Variants in TMEM71 observed in about 807,000 individuals in gnomAD.
TMEM71 encodes the protein transmembrane protein 71.
TMEM71 carries 44 observed loss-of-function variants against 38.0 expected under a neutral mutation model. That is an observed-to-expected ratio of 1.16 (90% CI 0.91 to 1.49). The LOEUF (loss-of-function observed/expected upper bound fraction) is 1.49. Ranked by LOEUF, TMEM71 falls within the 40% of genes most tolerant of loss-of-function variation. TMEM71 has a pLI of 0.00. For synonymous variants in TMEM71, 133 were observed against 122.5 expected, an observed-to-expected ratio of 1.09 and a Z score of -0.56; for missense variants, 367 against 348.6, an observed-to-expected ratio of 1.05 and a Z score of -0.42.
At chr8:132,731,899 A>C (rs1827477992) in intron 5 of TMEM71, among the ~76,000 whole-genome samples, 1 of 152,214 alleles carries the variant, frequency 6.6e-6, no homozygotes. Context: ...ATACGAAACC[A>C]GCTGGGAGGA....
chr8:132,754,368 C>G (rs1306074650), intron 3 of TMEM71, among the ~76,000 whole-genome samples: 4 of 152,170 alleles, frequency 2.6e-5, no homozygotes, highest in Non-Finnish European at 5.9e-5. Flanking sequence ...TACCTTTCCT[C>G]TCTTAGACTT....
the TMEM71 span, among the ~76,000 whole-genome samples, chr8:132,771,806 T>G: frequency 6.6e-6 from 1 of 152,122 alleles, no homozygotes; most frequent in Non-Finnish European, 1.5e-5. Context: ...CTGGGAGAGA[T>G]GACATCTCTG....
chr8:132,712,193 T>C (rs896740413), intron 9 of TMEM71, among the ~76,000 whole-genome samples: 16 of 152,250 alleles, frequency 1.1e-4, no homozygotes, highest in African/African-American at 3.9e-4. Flanking sequence ...AATGTGTGTG[T>C]ATATGAGGCT....
chr8:132,718,144 A>G (rs1403860596), intron 7 of TMEM71, among the ~76,000 whole-genome samples: 5 of 152,172 alleles, frequency 3.3e-5, no homozygotes, highest in African/African-American at 7.2e-5. Flanking sequence ...CAGTGATGCA[A>G]TTGTTATAGA....
At chr8:132,762,306 CTCT>C (rs1038314059), upstream of TMEM71, among the ~76,000 whole-genome samples, 4 of 152,106 alleles carry the variant, frequency 2.6e-5, no homozygotes, top group African/African-American at 7.2e-5. Context: ...ATTCACAGTT[CTCT>C]TCTTCTCCTT....
At chr8:132,774,174 A>G in the TMEM71 span, among the ~76,000 whole-genome samples, 3,091 of 152,362 alleles carry the variant, frequency 0.02, 105 homozygotes, top group African/African-American at 0.072. Context: ...GGTGGAAAGT[A>G]TAATCCTGTC....
At chr8:132,749,675 T>C (rs1828584871) in intron 4 of TMEM71, among the ~76,000 whole-genome samples, 1 of 152,122 alleles carries the variant, frequency 6.6e-6, no homozygotes, top group African/African-American at 2.4e-5. Flanking sequence ...TCAAGGTGGG[T>C]CACCAGTTAA....
chr8:132,713,887 C>T (rs1446954075), intron 9 of TMEM71, 108 bp downstream of exon 9: 2 of 1,051,242 alleles, frequency 1.9e-6, no homozygotes, highest in African/African-American at 1.6e-5. Context: ...GACGAATGAT[C>T]AGGATGTTTC....
At chr8:132,724,532 T>C (rs1235578208) in intron 6 of TMEM71, among the ~76,000 whole-genome samples, 1 of 152,216 alleles carries the variant, frequency 6.6e-6, no homozygotes, top group Non-Finnish European at 1.5e-5. Flanking sequence ...TTTATGGTTG[T>C]CTTCCCTTGT....
chr8:132,722,809 T>C (rs190063059), intron 6 of TMEM71, among the ~76,000 whole-genome samples: 16 of 152,364 alleles, frequency 1.1e-4, no homozygotes, highest in Admixed American at 9.1e-4. Context: ...AATATTTCAG[T>C]ACTGCCAAGC....
the TMEM71 span, among the ~76,000 whole-genome samples, chr8:132,769,562 G>T: frequency 6.6e-6 from 1 of 152,326 alleles, no homozygotes; most frequent in East Asian, 1.9e-4. Flanking sequence ...ATGGTACTTG[G>T]AAGTGGGGCC....
intron 5 of TMEM71, among the ~76,000 whole-genome samples, chr8:132,737,921 TC>T (rs1293262233): frequency 6.6e-6 from 1 of 152,214 alleles, no homozygotes; most frequent in African/African-American, 2.4e-5. Flanking sequence ...TGAACCCCCT[TC>T]TTATGTTTCC....
At chr8:132,723,318 C>A (rs1826953990) in intron 6 of TMEM71, among the ~76,000 whole-genome samples, 1 of 152,166 alleles carries the variant, frequency 6.6e-6, no homozygotes, top group Admixed American at 6.5e-5. Flanking sequence ...TCCTCAGAAA[C>A]AAATCTAGCT....
chr8:132,715,188 C>T (rs964046025), intron 7 of TMEM71, among the ~76,000 whole-genome samples: 6 of 151,770 alleles, frequency 4.0e-5, no homozygotes, highest in Admixed American at 1.3e-4. Flanking sequence ...GGGCGGATCA[C>T]GAGGTCAGGA....
the TMEM71 span, among the ~76,000 whole-genome samples, chr8:132,768,932 C>T: frequency 6.6e-6 from 1 of 152,264 alleles, no homozygotes; most frequent in Non-Finnish European, 1.5e-5. Context: ...CCTGCACATT[C>T]TTCCACACTA....
Position 132,747,097 on chromosome 8 carries a change from T to G in TMEM71, c.332A>C (p.Lys111Thr), listed in dbSNP as rs754940297. 4.4e-6 allele frequency: 7 copies of G among 1,605,082 alleles called. No individual in the cohort carries two copies. The highest frequency in any genetic ancestry group is 3.3e-4 in the Middle Eastern group (2 of 6,010). Residue 111 changes from lysine (K) to threonine (T), a missense_variant, in exon 5 of 10, where the codon AAG becomes ACG. Lys to Thr is a moderately conservative substitution (Grantham distance 78). Transcript: ENST00000677595. The part of the protein sequence containing the change: ...ENLVRIFRKK[K>T]RICHSFSSLF... ...AGAAGAAAAGGAATGGCAGATTCTC[T>G]TTTTCTTTCTAAATATCCTAGAGAG...
At chr8:132,775,726 C>G in the TMEM71 span, 31,635 of 298,650 alleles carry the variant, frequency 0.11, 2,526 homozygotes, top group East Asian at 0.37. Context: ...TGGTGTCTCT[C>G]TTTCCGGCCC....
chr8:132,751,595 T>C (rs768538067), intron 4 of TMEM71, among the ~76,000 whole-genome samples, 190 bp downstream of exon 4: 4 of 151,894 alleles, frequency 2.6e-5, no homozygotes, highest in African/African-American at 4.8e-5. Context: ...AGTGGGTGAA[T>C]AAATGAATGA....
the TMEM71 span, among the ~76,000 whole-genome samples, chr8:132,774,936 T>C: frequency 6.6e-6 from 1 of 152,244 alleles, no homozygotes; most frequent in Admixed American, 6.5e-5. Context: ...GTGACATATT[T>C]ACAGCCTAGT....
Sources: gnomAD v4.1 joint callset for allele counts (sites outside exome capture counted in the v4.1 genomes callset) on GRCh38, gnomAD v4.1.1 for gene constraint, MANE v1.5 for transcripts, NCBI Gene and HGNC (gene_info 2026-07-23, HGNC 2026-07-21) for gene names.